SYBU: variants seen among roughly 807,000 people sequenced by gnomAD.
SYBU encodes the protein GOLSYN A protein.
SYBU carries 21 observed loss-of-function variants against 35.9 expected under a neutral mutation model. The ratio of observed to expected loss-of-function variants is 0.58; its 90% CI spans 0.41 to 0.84. SYBU has a LOEUF of 0.84. Among genes scored for constraint, SYBU ranks in the 40% least tolerant of loss-of-function variants. The pLI, the probability that SYBU is intolerant of heterozygous loss-of-function variation, is 0.00. For missense variants in SYBU, 768 were observed against 848.2 expected, an observed-to-expected ratio of 0.91 and a Z score of 1.17; for synonymous variants, 319 against 324.3, an observed-to-expected ratio of 0.98 and a Z score of 0.18.
In SYBU at chr8:109,574,426, C is replaced by T. The variant is rs1821981052; in HGVS notation, c.*480G>A. On this transcript the variant is annotated 3_prime_UTR_variant, in exon 7 of 7. Coordinates refer to ENST00000276646, the MANE Select transcript of SYBU (RefSeq NM_001099754.2). ...CAAATCTTATCAACCCCAAGTAAGA[C>T]AGTAAAGAGCTATTCAAGACTTCTT... 1 of 153,130 alleles carries T rather than the reference C, an allele frequency of 6.5e-6. No homozygotes were observed. Among genetic ancestry groups the T allele is most frequent in the Non-Finnish European group, 1.5e-5 (1 of 68,378 alleles). 9.5% of individuals were successfully genotyped at this position (153,130 alleles called of 1,614,324 possible).
chr8:109,664,789 G>A (rs547236620), intron 1 of SYBU, among the ~76,000 whole-genome samples: 2 of 152,286 alleles, frequency 1.3e-5, no homozygotes, highest in East Asian at 3.9e-4. Context: ...GGGAGGAATG[G>A]TTTGGAAGAA....
intron 3 of SYBU, among the ~76,000 whole-genome samples, chr8:109,588,710 C>T (rs972574983): frequency 1.3e-5 from 2 of 152,056 alleles, no homozygotes; most frequent in Admixed American, 6.5e-5. Context: ...TCACACCCCC[C>T]GCCCCCGCCG....
Position 109,600,013 on chromosome 8 carries a change from C to T in SYBU, c.428-13851G>A, listed in dbSNP as rs1211007060. 2.6e-5 allele frequency among the ~76,000 whole-genome samples: 4 copies of T among 152,334 alleles called. No individual in the cohort carries two copies. In the East Asian group the frequency reaches 5.8e-4, roughly 22 times the overall value. On this transcript the variant is annotated intron_variant, in intron 3 of 6. Transcript: ENST00000276646. ...GGTCTCAGTTTAGCCTTGAGCTTTA[C>T]TTCCTTCAGGAAGGGGATTAGGTGG...
chr8:109,588,436 G>T (rs1219658628), intron 3 of SYBU, among the ~76,000 whole-genome samples: 1 of 152,134 alleles, frequency 6.6e-6, no homozygotes, highest in Admixed American at 6.5e-5. Flanking sequence ...CTTACCTTCT[G>T]TACATCTGAA....
chr8:109,690,602 G>A (rs1472733439), intron 1 of SYBU, among the ~76,000 whole-genome samples: 1 of 152,118 alleles, frequency 6.6e-6, no homozygotes, highest in Non-Finnish European at 1.5e-5. Context: ...TAAAAGCAAC[G>A]ATTTTCCGAT....
At chr8:109,614,247 C>T (rs1158180102) in intron 3 of SYBU, among the ~76,000 whole-genome samples, 1 of 152,112 alleles carries the variant, frequency 6.6e-6, no homozygotes, top group Non-Finnish European at 1.5e-5. Context: ...CTTTTTCTTC[C>T]TTGCTTTAAG....
At chr8:109,592,127 C>A (rs941215445) in intron 3 of SYBU, among the ~76,000 whole-genome samples, 2 of 152,128 alleles carry the variant, frequency 1.3e-5, no homozygotes, top group Admixed American at 1.3e-4. Context: ...ACTACTGGTA[C>A]AGTGGCCCAA....
At chr8:109,668,971 G>A (rs901314665) in intron 1 of SYBU, among the ~76,000 whole-genome samples, 1 of 152,112 alleles carries the variant, frequency 6.6e-6, no homozygotes, top group Admixed American at 6.5e-5. Flanking sequence ...GCCTATGAAA[G>A]GGGAGACATT....
chr8:109,670,904 GAAGA>G (rs1816955541), intron 1 of SYBU, among the ~76,000 whole-genome samples: 1 of 151,754 alleles, frequency 6.6e-6, no homozygotes, highest in South Asian at 2.1e-4. Context: ...AGTTAGAATG[GAAGA>G]GAGAGAGAGA....
intron 3 of SYBU, chr8:109,608,048 G>T (rs917382906): frequency 4.3e-5 from 51 of 1,174,522 alleles, no homozygotes; most frequent in Admixed American, 3.4e-4. Context: ...TCAGAGTGGG[G>T]TATCCATGGA....
intron 3 of SYBU, among the ~76,000 whole-genome samples, chr8:109,592,500 T>C (rs1054205069): frequency 7.9e-5 from 12 of 152,136 alleles, no homozygotes; most frequent in Non-Finnish European, 1.6e-4. Context: ...CTGAGCTAGG[T>C]AGCTTGGAAG....
intron 2 of SYBU, among the ~76,000 whole-genome samples, chr8:109,629,750 C>T (rs914411955): frequency 7.2e-5 from 11 of 151,964 alleles, no homozygotes; most frequent in African/African-American, 2.7e-4. Context: ...AACTAGTTTA[C>T]AGTCCCACCA....
intron 2 of SYBU, among the ~76,000 whole-genome samples, chr8:109,620,066 C>G (rs548887121): frequency 6.6e-6 from 1 of 152,278 alleles, no homozygotes; most frequent in Admixed American, 6.5e-5. Context: ...ACTGCTGACT[C>G]CTATAAATGC....
chr8:109,575,572 G>A lies in SYBU; in HGVS notation c.1326C>T (p.Phe442=), dbSNP rs773240808. The change falls in exon 7 of 7, where the codon TTC becomes TTT. Residue 442 remains phenylalanine (F), a synonymous_variant. Transcript: ENST00000276646. ...TGGTGGTGGCTGTCACTATCTCATC[G>A]AACAAATCTGTGCTGTTGGCTATGC... ...GDSIANSTDL[F]DEIVTATTTE... 63 of 1,613,956 alleles carry A rather than the reference G, an allele frequency of 3.9e-5. 1 individual carries two copies. In the South Asian group the frequency reaches 6.0e-4, roughly 15 times the overall value.
chr8:109,634,031 G>A (rs1017186995), intron 2 of SYBU, among the ~76,000 whole-genome samples: 8 of 152,114 alleles, frequency 5.3e-5, no homozygotes, highest in Admixed American at 4.6e-4. Context: ...ACTGCAACTG[G>A]ATATAATTAC....
chr8:109,583,640 T>C (rs1823286102), intron 4 of SYBU, among the ~76,000 whole-genome samples: 1 of 152,056 alleles, frequency 6.6e-6, no homozygotes, highest in African/African-American at 2.4e-5. Flanking sequence ...AAGCAGCCAA[T>C]TGAAAGGATC....
At chr8:109,642,650 A>T in intron 2 of SYBU, 78 bp downstream of exon 2, 1 of 927,264 alleles carries the variant, frequency 1.1e-6, no homozygotes, top group Non-Finnish European at 1.6e-6. Context: ...GCTATAAGGG[A>T]CCCAGTATGG....
At chr8:109,604,203 A>G (rs943522186) in intron 3 of SYBU, among the ~76,000 whole-genome samples, 2 of 149,340 alleles carry the variant, frequency 1.3e-5, no homozygotes, top group African/African-American at 4.9e-5. Flanking sequence ...CCATAACAAT[A>G]GAATTTAAAA....
chr8:109,630,743 A>G (rs1170561930), intron 2 of SYBU, among the ~76,000 whole-genome samples: 1 of 152,280 alleles, frequency 6.6e-6, no homozygotes, highest in East Asian at 1.9e-4. Context: ...GCTATGCTAC[A>G]TTTGAGACAC....
Sources: gnomAD v4.1 joint callset for allele counts (sites outside exome capture counted in the v4.1 genomes callset) on GRCh38, gnomAD v4.1.1 for gene constraint, MANE v1.5 for transcripts, NCBI Gene and HGNC (gene_info 2026-07-23, HGNC 2026-07-21) for gene names.